CAMK1D: variants seen among roughly 807,000 people sequenced by gnomAD.
CAMK1D encodes the protein calcium/calmodulin-dependent protein kinase type 1D.
CAMK1D carries 9 observed loss-of-function variants against 47.7 expected under a neutral mutation model. That is an observed-to-expected ratio of 0.19 (90% CI 0.11 to 0.33). The LOEUF (loss-of-function observed/expected upper bound fraction) is 0.33. Among genes scored for constraint, CAMK1D ranks in the 10% least tolerant of loss-of-function variants. The probability of loss-of-function intolerance (pLI) is 1.00; values close to 1 mark genes in which losing one functional copy is unlikely to be tolerated. For missense variants in CAMK1D, 291 were observed against 488.7 expected (o/e 0.60, Z 3.81); for synonymous variants, 184 against 184.9 (o/e 0.99, Z 0.04).
chr10:12,465,918 T>C (rs1833575593), intron 1 of CAMK1D, among the ~76,000 whole-genome samples: 1 of 152,162 alleles, frequency 6.6e-6, no homozygotes, highest in African/African-American at 2.4e-5. Context: ...TAGAAGCAGA[T>C]AGGAAGAGGC....
At chr10:12,639,401 C>T (rs1017746723) in intron 2 of CAMK1D, among the ~76,000 whole-genome samples, 10 of 152,356 alleles carry the variant, frequency 6.6e-5, no homozygotes, top group Non-Finnish European at 5.9e-5. Context: ...AGGAGAATCA[C>T]TTGAACCCGC....
intron 1 of CAMK1D, among the ~76,000 whole-genome samples, chr10:12,377,125 A>G (rs1042491929): frequency 3.9e-5 from 6 of 152,186 alleles, no homozygotes; most frequent in Non-Finnish European, 7.3e-5. Flanking sequence ...GCAAATGAAG[A>G]TAATAATTTT....
chr10:12,819,981 G>A (rs974839528), intron 8 of CAMK1D, among the ~76,000 whole-genome samples: 22 of 152,178 alleles, frequency 1.4e-4, no homozygotes, highest in African/African-American at 5.1e-4. Context: ...CAACTTACGG[G>A]ACTCGGGGGA....
intron 3 of CAMK1D, among the ~76,000 whole-genome samples, chr10:12,719,218 C>A (rs1487799565): frequency 6.6e-6 from 1 of 151,820 alleles, no homozygotes; most frequent in East Asian, 1.9e-4. Context: ...ACCAGCCTGG[C>A]CAACATGATG....
intron 1 of CAMK1D, among the ~76,000 whole-genome samples, chr10:12,441,273 C>T (rs933993019): frequency 5.3e-5 from 8 of 152,152 alleles, no homozygotes; most frequent in Admixed American, 3.9e-4. Context: ...CCTCGGCTCA[C>T]TGCAGCCTCC....
intron 1 of CAMK1D, among the ~76,000 whole-genome samples, chr10:12,493,077 G>A (rs1262838391): frequency 2.0e-5 from 3 of 152,154 alleles, no homozygotes; most frequent in Non-Finnish European, 4.4e-5. Context: ...TTGATAACAG[G>A]GCATTGTGGC....
In CAMK1D at chr10:12,689,504, G is replaced by A. The variant is rs941307530; in HGVS notation, c.299+22694G>A. ...AAGAATTGGTTTGAACTTGCCGGGC[G>A]TGGTGGTGACACCTGTAATCCCAGC... is the stretch of plus-strand genomic sequence containing the variant. On this transcript the variant is annotated intron_variant, in intron 3 of 10. Coordinates refer to ENST00000619168, the MANE Select transcript of CAMK1D (RefSeq NM_153498.4). Among the ~76,000 whole-genome samples the A allele has an allele frequency of 8.5e-5, 13 of 152,228 alleles. 1 individual carries two copies. The highest frequency in any genetic ancestry group is 2.6e-4 in the African/African-American group (11 of 41,560).
rs60970537 is a variant in CAMK1D at position 12,396,448 on chromosome 10, C to G, written c.92+46538C>G. Among the ~76,000 whole-genome samples, 25 of 152,312 alleles carry G rather than the reference C, an allele frequency of 1.6e-4. No individual in the cohort carries two copies. In the East Asian group the frequency reaches 3.7e-3, roughly 22 times the overall value. On this transcript the variant is annotated intron_variant, in intron 1 of 10. Transcript: ENST00000619168. The stretch of plus-strand genomic sequence containing the variant: ...GGATAATGGGTTCATTCTGGGCCCT[C>G]CAACCAGAGTCTTCATGAGTCTCTG...
At chr10:12,460,015 G>A (rs1328060152) in intron 1 of CAMK1D, among the ~76,000 whole-genome samples, 1 of 152,164 alleles carries the variant, frequency 6.6e-6, no homozygotes, top group Non-Finnish European at 1.5e-5. Flanking sequence ...CATCTGACAT[G>A]GAACCGGCGT....
intron 1 of CAMK1D, among the ~76,000 whole-genome samples, chr10:12,364,417 A>T (rs1837774588): frequency 6.6e-6 from 1 of 151,218 alleles, no homozygotes; most frequent in Non-Finnish European, 1.5e-5. Context: ...AATTTTTTGT[A>T]TTTTTAGTAG....
At chr10:12,688,694 T>G (rs1330803263) in intron 3 of CAMK1D, among the ~76,000 whole-genome samples, 1 of 152,052 alleles carries the variant, frequency 6.6e-6, no homozygotes, top group Non-Finnish European at 1.5e-5. Context: ...TTATTTTTTA[T>G]TTTTTTTGTG....
intron 2 of CAMK1D, among the ~76,000 whole-genome samples, chr10:12,577,247 C>T (rs995940627): frequency 2.8e-4 from 42 of 152,286 alleles, no homozygotes; most frequent in African/African-American, 7.5e-4. Context: ...TTCTGTATGT[C>T]GCCGTGTTGG....
In CAMK1D at chr10:12,674,463, CT is replaced by C. The variant is rs376877066; in HGVS notation, c.299+7655del. Among the ~76,000 whole-genome samples, 96 of 152,180 alleles carry C rather than the reference CT, an allele frequency of 6.3e-4. 1 individual carries two copies. In the East Asian group the frequency reaches 0.014, roughly 23 times the overall value. On this transcript the variant is annotated intron_variant, in intron 3 of 10. Coordinates refer to ENST00000619168, the MANE Select transcript of CAMK1D (RefSeq NM_153498.4). The stretch of plus-strand genomic sequence containing the variant: ...AGATACAACAGGGGATGCTCAGCAC[CT>C]TAATATTATTACCTGTCTAATTGCT...
chr10:12,557,530 C>T (rs1199174955), intron 2 of CAMK1D, among the ~76,000 whole-genome samples: 4 of 124,354 alleles, frequency 3.2e-5, no homozygotes, highest in Admixed American at 1.0e-4. Context: ...CCAGCCTGGG[C>T]GACAGAGCGA....
intron 3 of CAMK1D, among the ~76,000 whole-genome samples, chr10:12,681,166 G>T (rs1262426960): frequency 6.6e-6 from 1 of 152,138 alleles, no homozygotes; most frequent in Admixed American, 6.5e-5. Flanking sequence ...CCACGGCCAC[G>T]CTCTAGAGTG....
chr10:12,362,115 A>G (rs2131842339), intron 1 of CAMK1D, among the ~76,000 whole-genome samples: 1 of 152,312 alleles, frequency 6.6e-6, no homozygotes, highest in South Asian at 2.1e-4. Flanking sequence ...TGCCATCGTA[A>G]CCATTTTGAA....
At chr10:12,509,810 C>T (rs1448993769) in intron 1 of CAMK1D, among the ~76,000 whole-genome samples, 1 of 152,130 alleles carries the variant, frequency 6.6e-6, no homozygotes, top group Non-Finnish European at 1.5e-5. Flanking sequence ...AAAGTCCTGC[C>T]GTTCTACATA....
chr10:12,746,941 A>G (rs1835709644), intron 3 of CAMK1D, among the ~76,000 whole-genome samples: 1 of 152,196 alleles, frequency 6.6e-6, no homozygotes, highest in Admixed American at 6.5e-5. Context: ...CCCCTGTTTT[A>G]TGGTTCTCCA....
At chr10:12,715,111 C>A (rs1834078535) in intron 3 of CAMK1D, among the ~76,000 whole-genome samples, 1 of 152,188 alleles carries the variant, frequency 6.6e-6, no homozygotes, top group African/African-American at 2.4e-5. Flanking sequence ...CCCCCTACAC[C>A]CTTCCAGCCT....
Sources: allele counts gnomAD v4.1 joint callset (sites outside exome capture counted in the v4.1 genomes callset), GRCh38; gene constraint gnomAD v4.1.1; transcripts MANE v1.5; gene names NCBI Gene and HGNC (gene_info 2026-07-23, HGNC 2026-07-21).